Variants in SLC25A21 observed in about 807,000 individuals in gnomAD.
The protein encoded by SLC25A21 is solute carrier family 25 member 21, also known as mitochondrial 2-oxodicarboxylate carrier.
In SLC25A21, 47 loss-of-function variants were observed where a neutral mutation model predicts 43.8. That is an observed-to-expected ratio of 1.07 (90% CI 0.85 to 1.37). SLC25A21 has a LOEUF of 1.37. Ranked by LOEUF, SLC25A21 falls within the 40% of genes most tolerant of loss-of-function variation. SLC25A21 has a pLI of 0.00. For missense variants in SLC25A21, 352 were observed against 350.2 expected (o/e 1.00, Z -0.04); for synonymous variants, 131 against 121.3 (o/e 1.08, Z -0.52).
chr14:36,931,371 G>A (rs1892284055), intron 1 of SLC25A21, among the ~76,000 whole-genome samples: 1 of 152,170 alleles, frequency 6.6e-6, no homozygotes, highest in Non-Finnish European at 1.5e-5. Context: ...CAGGTGGTAT[G>A]AAGGGTTGGA....
At chr14:36,734,485 T>C in intron 4 of SLC25A21, 22 bp downstream of exon 4, 1 of 1,594,034 alleles carries the variant, frequency 6.3e-7, no homozygotes, top group Non-Finnish European at 8.6e-7. Context: ...TTTTGCTTGG[T>C]GCGAACGCAT....
At chr14:36,997,134 G>A (rs902016413) in intron 1 of SLC25A21, among the ~76,000 whole-genome samples, 5 of 151,972 alleles carry the variant, frequency 3.3e-5, no homozygotes, top group African/African-American at 7.2e-5. Flanking sequence ...AACACACTCA[G>A]GATAAAAGAA....
At chr14:36,923,394 T>C (rs566135762) in intron 1 of SLC25A21, among the ~76,000 whole-genome samples, 3 of 152,126 alleles carry the variant, frequency 2.0e-5, no homozygotes, top group Admixed American at 2.0e-4. Context: ...TCTGAGAGCA[T>C]TCATTGCCGG....
chr14:36,897,577 G>A (rs946467117), intron 1 of SLC25A21, among the ~76,000 whole-genome samples: 3 of 152,184 alleles, frequency 2.0e-5, no homozygotes, highest in Non-Finnish European at 2.9e-5. Flanking sequence ...CGTTGCTGGT[G>A]AGGAGCTGCA....
chr14:37,069,090 T>C (rs750237729), intron 1 of SLC25A21, among the ~76,000 whole-genome samples: 2 of 151,760 alleles, frequency 1.3e-5, no homozygotes, highest in Non-Finnish European at 2.9e-5. Flanking sequence ...CGCAGGAGAA[T>C]AGCGTGAACC....
chr14:36,938,667 G>A (rs1429840), intron 1 of SLC25A21, among the ~76,000 whole-genome samples: 11,888 of 151,916 alleles, frequency 0.078, 739 homozygotes, highest in East Asian at 0.24. Flanking sequence ...TTCACATCTC[G>A]TTGTTTTATT....
chr14:36,891,200 T>C (rs1022259598), intron 1 of SLC25A21, among the ~76,000 whole-genome samples: 6 of 152,184 alleles, frequency 3.9e-5, no homozygotes, highest in South Asian at 2.1e-4. Flanking sequence ...AATCTCTTGA[T>C]GGATGAAAAT....
rs1881987929 is a variant in SLC25A21 at position 36,678,073 on chromosome 14, A to G, written c.*2585T>C. 1 of 170,186 alleles carries G rather than the reference A, an allele frequency of 5.9e-6. No individual in the cohort carries two copies. 10.5% of individuals were successfully genotyped at this position (170,186 alleles called of 1,614,324 possible). A position where few individuals can be genotyped will look rare whatever the true frequency, so the allele number is the denominator to read the frequency against. On this transcript the variant is annotated 3_prime_UTR_variant, in exon 10 of 10. Coordinates refer to ENST00000331299, the MANE Select transcript of SLC25A21 (RefSeq NM_030631.4). ...TGGTACTAATTCTGTGCAATAACTAAAAGAGCACCTCACTGGATATGGATG... is the reference window on the plus strand; with the variant it reads ...TGGTACTAATTCTGTGCAATAACTAGAAGAGCACCTCACTGGATATGGATG...
intron 1 of SLC25A21, among the ~76,000 whole-genome samples, chr14:37,065,816 G>A (rs1242807969): frequency 6.6e-6 from 1 of 152,152 alleles, no homozygotes; most frequent in African/African-American, 2.4e-5. Flanking sequence ...TAAAAAGTGG[G>A]ATAAAATTTA....
At chr14:36,773,144 A>G (rs2138361087) in intron 3 of SLC25A21, among the ~76,000 whole-genome samples, 1 of 152,184 alleles carries the variant, frequency 6.6e-6, no homozygotes, top group Admixed American at 6.5e-5. Context: ...TAAACTTAAA[A>G]TACTTTGCTT....
chr14:36,877,444 T>C (rs1890570125), intron 1 of SLC25A21, among the ~76,000 whole-genome samples: 1 of 152,208 alleles, frequency 6.6e-6, no homozygotes, highest in African/African-American at 2.4e-5. Context: ...TTATTTTCAA[T>C]CCCCTATGAT....
intron 3 of SLC25A21, among the ~76,000 whole-genome samples, chr14:36,747,372 C>T (rs539985169): frequency 6.6e-6 from 1 of 152,288 alleles, no homozygotes; most frequent in East Asian, 1.9e-4. Context: ...CAAATTAATT[C>T]CACTGCATTA....
chr14:37,134,265 A>C (rs931953222), intron 1 of SLC25A21, among the ~76,000 whole-genome samples: 1 of 152,222 alleles, frequency 6.6e-6, no homozygotes, highest in African/African-American at 2.4e-5. Context: ...AATTAGGAAC[A>C]TTTATTCCCT....
At chr14:36,721,079 C>T (rs750277624) in intron 6 of SLC25A21, among the ~76,000 whole-genome samples, 5 of 152,276 alleles carry the variant, frequency 3.3e-5, no homozygotes, top group East Asian at 3.9e-4. Flanking sequence ...CTTAAACTTA[C>T]GCATTTGTAA....
intron 1 of SLC25A21, among the ~76,000 whole-genome samples, chr14:37,069,236 C>G (rs926558002): frequency 2.6e-5 from 4 of 151,944 alleles, no homozygotes; most frequent in Non-Finnish European, 1.5e-5. Flanking sequence ...CTGAAACATA[C>G]GACCATATTA....
intron 6 of SLC25A21, among the ~76,000 whole-genome samples, chr14:36,718,110 T>C (rs1884222664): frequency 6.6e-6 from 1 of 152,202 alleles, no homozygotes; most frequent in South Asian, 2.1e-4. Flanking sequence ...GAGTGTCTGA[T>C]ATATAGTAGA....
chr14:36,817,297 C>T (rs2138453086), intron 2 of SLC25A21, among the ~76,000 whole-genome samples: 1 of 152,110 alleles, frequency 6.6e-6, no homozygotes, highest in South Asian at 2.1e-4. Flanking sequence ...ACGAGGGGAG[C>T]AATTACTGCT....
intron 1 of SLC25A21, among the ~76,000 whole-genome samples, chr14:36,914,615 A>G (rs2138616224): frequency 6.6e-6 from 1 of 152,292 alleles, no homozygotes; most frequent in Middle Eastern, 3.4e-3. Flanking sequence ...GCGAGTGACA[A>G]CACATAATCA....
intron 1 of SLC25A21, among the ~76,000 whole-genome samples, chr14:36,893,756 A>G (rs1388277052): frequency 6.6e-6 from 1 of 152,154 alleles, no homozygotes; most frequent in Non-Finnish European, 1.5e-5. Context: ...TCAGCTTTCT[A>G]CATATGGCTA....
Sources: gnomAD v4.1 joint callset for allele counts (sites outside exome capture counted in the v4.1 genomes callset) on GRCh38, gnomAD v4.1.1 for gene constraint, MANE v1.5 for transcripts, NCBI Gene and HGNC (gene_info 2026-07-23, HGNC 2026-07-21) for gene names.